PIK3C2A: variants seen among roughly 807,000 people sequenced by gnomAD.
The protein encoded by PIK3C2A is phosphatidylinositol-4-phosphate 3-kinase catalytic subunit type 2 alpha.
A neutral mutation model predicts 204.5 loss-of-function variants in PIK3C2A; 97 were observed. The observed-to-expected ratio is 0.47, with a 90% CI of 0.40 to 0.56. PIK3C2A has a LOEUF of 0.56. Among genes scored for constraint, PIK3C2A ranks in the 20% least tolerant of loss-of-function variants. The pLI is 0.00. For synonymous variants in PIK3C2A, 653 were observed against 664.4 expected (o/e 0.98, Z 0.26); for missense variants, 1,735 against 1,969.2 (o/e 0.88, Z 2.25).
rs369335895 is a variant in PIK3C2A at position 17,119,887 on chromosome 11, G to T, written c.2745C>A (p.Ser915Arg). 3.7e-6 allele frequency: 6 copies of T among 1,610,736 alleles called. No homozygotes were observed. Among genetic ancestry groups the T allele is most frequent in the Non-Finnish European group, 5.1e-6 (6 of 1,177,962 alleles). ...HPNCLPKILA[S>R]APNWKWVNLA... The stretch of plus-strand genomic sequence containing the variant: ...GATTAACCCATTTCCAGTTTGGGGC[G>T]CTTGCTAATATTTTAGGAAGACAAT... Residue 915 changes from serine (S) to arginine (R), a missense_variant, in exon 16 of 33, where the codon AGC (serine) becomes AGA (arginine). By Grantham distance (110) the Ser-to-Arg change is moderately radical. Around this residue, in one of 6 missense-constraint regions of PIK3C2A, gnomAD observed 567 missense variants for 576.0 expected, o/e 0.98. Transcript: ENST00000691414.
chr11:17,181,863 G>A lies in PIK3C2A; in HGVS notation c.-65-12057C>T, dbSNP rs559762841. On this transcript the variant is annotated intron_variant, in intron 1 of 32. Transcript: ENST00000691414. ...TCCCAGCACTTTGGGAGGCCAAGGC[G>A]GGTGGATCACTTGAGGTCAGGAGTT... is the stretch of plus-strand genomic sequence containing the variant. Among the ~76,000 whole-genome samples the A allele has an allele frequency of 1.7e-4, 26 of 151,830 alleles. 1 individual carries two copies. The South Asian group carries it at 5.2e-3, about 30-fold the overall frequency.
At chr11:17,148,977 T>G (rs1398311644) in intron 4 of PIK3C2A, among the ~76,000 whole-genome samples, 190 bp from the exon 5 acceptor site, 2 of 152,196 alleles carry the variant, frequency 1.3e-5, no homozygotes, top group Non-Finnish European at 2.9e-5. Flanking sequence ...AAGCTAATTT[T>G]AATAATATGT....
At chr11:17,140,397 T>C (rs1456651545) in intron 8 of PIK3C2A, among the ~76,000 whole-genome samples, 4 of 152,172 alleles carry the variant, frequency 2.6e-5, no homozygotes, top group Admixed American at 6.5e-5. Context: ...AACCAAAAAT[T>C]ATAAAGTTTA....
chr11:17,118,763 T>C, intron 17 of PIK3C2A, 24 bp from the exon 18 acceptor site: 1 of 1,143,312 alleles, frequency 8.7e-7, no homozygotes, highest in Non-Finnish European at 1.3e-6. Context: ...AAATAAGAAT[T>C]ATTAGTGGTC....
intron 19 of PIK3C2A, among the ~76,000 whole-genome samples, chr11:17,114,756 G>A (rs1342863651): frequency 1.3e-5 from 2 of 152,156 alleles, no homozygotes; most frequent in Non-Finnish European, 2.9e-5. Context: ...CCTATCAGAT[G>A]AAAATTTAAA....
At chr11:17,111,130 A>G (rs190112529) in intron 21 of PIK3C2A, among the ~76,000 whole-genome samples, 162 of 152,042 alleles carry the variant, frequency 1.1e-3, no homozygotes, top group African/African-American at 3.7e-3. Context: ...CTGGTCTCGA[A>G]CTTCTGACCT....
Position 17,131,987 on chromosome 11 carries a change from A to C in PIK3C2A, c.2160T>G (p.Leu720=), listed in dbSNP as rs756073784. The stretch of plus-strand genomic sequence containing the variant: ...CCTTCTTTGATTGAATAGGTTTAAA[A>C]AGATCCTTTCCATTGTGAGACAGTG... ...ICSLSHNGKD[L]FKPIQSKKVG... The change falls in exon 12 of 33, where the codon CTT becomes CTG. Residue 720 remains leucine, a synonymous_variant. Coordinates refer to ENST00000691414, the MANE Select transcript of PIK3C2A (RefSeq NM_002645.4). 33 of 1,574,686 alleles carry C rather than the reference A, an allele frequency of 2.1e-5. No individual in the cohort carries two copies. The South Asian group carries it at 3.8e-4, about 18-fold the overall frequency.
At chr11:17,170,640 C>G (rs1851125758) in intron 1 of PIK3C2A, among the ~76,000 whole-genome samples, 1 of 152,126 alleles carries the variant, frequency 6.6e-6, no homozygotes, top group Non-Finnish European at 1.5e-5. Flanking sequence ...AATTTATACT[C>G]CTCTATTTAA....
chr11:17,161,578 G>A (rs1403140544), intron 2 of PIK3C2A, among the ~76,000 whole-genome samples: 1 of 152,184 alleles, frequency 6.6e-6, no homozygotes, highest in Admixed American at 6.5e-5. Context: ...ATTTCCAGAA[G>A]ACAGTTTTAA....
At chr11:17,105,060 C>A in intron 23 of PIK3C2A, 109 bp downstream of exon 23, 1 of 791,346 alleles carries the variant, frequency 1.3e-6, no homozygotes, top group Non-Finnish European at 2.1e-6. Flanking sequence ...CTTTTCCTGA[C>A]TTAGACTAAA....
chr11:17,091,246 C>T, intron 32 of PIK3C2A, 88 bp downstream of exon 32: 3 of 1,189,674 alleles, frequency 2.5e-6, no homozygotes, highest in Non-Finnish European at 3.6e-6. Context: ...AACAAACTTG[C>T]ACATCCTGCT....
chr11:17,157,619 GTTTTCCTAATA>G (rs1850640229), intron 2 of PIK3C2A, among the ~76,000 whole-genome samples: 1 of 152,128 alleles, frequency 6.6e-6, no homozygotes, highest in Non-Finnish European at 1.5e-5. Flanking sequence ...GATTCTCAGT[GTTTTCCTAATA>G]TCTTCATATA....
At chr11:17,110,234 T>G (rs567627504) in intron 22 of PIK3C2A, among the ~76,000 whole-genome samples, 198 bp downstream of exon 22, 4 of 152,256 alleles carry the variant, frequency 2.6e-5, no homozygotes, top group Admixed American at 6.5e-5. Flanking sequence ...ATTACAGGCA[T>G]GAGCCACTAT....
At chr11:17,206,078 C>T (rs1269112572) in intron 1 of PIK3C2A, among the ~76,000 whole-genome samples, 3 of 152,162 alleles carry the variant, frequency 2.0e-5, no homozygotes, top group Non-Finnish European at 2.9e-5. Context: ...AGCTCTCGTG[C>T]CACTGCACTC....
At chr11:17,178,966 T>G (rs1462773736) in intron 1 of PIK3C2A, among the ~76,000 whole-genome samples, 1 of 150,426 alleles carries the variant, frequency 6.6e-6, no homozygotes, top group East Asian at 2.0e-4. Context: ...CCTGACCTCA[T>G]GATCCACCCG....
At chr11:17,098,147 G>A (rs1848507684) in intron 26 of PIK3C2A, among the ~76,000 whole-genome samples, 1 of 152,150 alleles carries the variant, frequency 6.6e-6, no homozygotes, top group Non-Finnish European at 1.5e-5. Context: ...AAAGAAGAAG[G>A]ATATTCAAAA....
Position 17,114,391 on chromosome 11 carries a change from T to G in PIK3C2A, c.3291A>C (p.Pro1097=). 1 of 1,575,804 alleles carries G rather than the reference T, an allele frequency of 6.3e-7. No individual in the cohort carries two copies. The highest frequency in any genetic ancestry group is 8.7e-7 in the Non-Finnish European group (1 of 1,145,276). The change falls in exon 20 of 33, where the codon CCA becomes CCC. Residue 1097 remains proline (P), a synonymous_variant. Transcript: ENST00000691414. ...TATTTAATTCTTTTGCCACTAGACTTGGCTTGAGAGGGAGACGGCATTTAT... is the reference window on the plus strand; with the variant it reads ...TATTTAATTCTTTTGCCACTAGACTGGGCTTGAGAGGGAGACGGCATTTAT... ...QKNKCRLPLK[P]SLVAKELNIK...
intron 21 of PIK3C2A, among the ~76,000 whole-genome samples, chr11:17,111,647 C>T (rs887997269): frequency 4.0e-5 from 6 of 151,616 alleles, no homozygotes; most frequent in East Asian, 1.9e-4. Flanking sequence ...GAGACCGAGA[C>T]GGGCAGATCA....
intron 2 of PIK3C2A, among the ~76,000 whole-genome samples, chr11:17,160,290 G>T (rs1009180916): frequency 1.3e-5 from 2 of 152,128 alleles, no homozygotes; most frequent in Non-Finnish European, 2.9e-5. Context: ...ACCTTTGGAG[G>T]AATGCCTATG....
Sources: allele counts gnomAD v4.1 joint callset (sites outside exome capture counted in the v4.1 genomes callset), GRCh38; gene constraint gnomAD v4.1.1; regional missense constraint gnomAD v4.1.1; transcripts MANE v1.5; gene names NCBI Gene and HGNC (gene_info 2026-07-23, HGNC 2026-07-21).